The following MAGEC1 variants were observed in gnomAD, a reference collection of about 807,000 sequenced individuals.
MAGEC1 encodes melanoma-associated antigen C1.
A neutral mutation model predicts 1.5 loss-of-function variants in MAGEC1; 3 were observed. The ratio of observed to expected loss-of-function variants is 1.97; its 90% CI spans 0.90 to 5.10. The LOEUF is 5.10. Ranked by LOEUF, MAGEC1 falls within the 30% of genes most tolerant of loss-of-function variation. The pLI, the probability that MAGEC1 is intolerant of heterozygous loss-of-function variation, is 0.02. For missense variants in MAGEC1, 985 were observed against 803.1 expected (o/e 1.23, Z -2.74); for synonymous variants, 357 against 310.4 (o/e 1.15, Z -1.58).
chrX:141,908,417 AG>A lies in MAGEC1; in HGVS notation c.3014del (p.Ser1005IlefsTer5). 8.3e-7 allele frequency: 1 copy of A among 1,210,860 alleles called. No homozygotes were observed. The highest frequency in any genetic ancestry group is 1.7e-5 in the African/African-American group (1 of 57,596). ...SQNRLLILIL[S>X]IIFIKGTYAS... ...GAACCGCCTCCTGATTCTTATTCTG[AG>A]TATCATCTTCATAAAGGGCACCTAT... On this transcript the variant is annotated frameshift_variant, in exon 4 of 4. Coordinates refer to ENST00000285879, the MANE Select transcript of MAGEC1 (RefSeq NM_005462.5). LOFTEE classifies it low-confidence loss of function (END_TRUNC).
At position 141,906,593 on chromosome X, in the gene MAGEC1, C is replaced by G. The variant is rs769507677; in HGVS notation, c.1189C>G (p.His397Asp). 1.7e-6 allele frequency: 2 copies of G among 1,194,819 alleles called. No homozygotes were observed. Among genetic ancestry groups the G allele is most frequent in the African/African-American group, 3.6e-5 (2 of 55,421 alleles). ...TTTCCAGAGTTCCCCTGAGAGAACT[C>G]ACAGTACTTTTGAGGGTTTTCCCCA... ...SLFQSSPERT[H>D]STFEGFPQSP... Residue 397 changes from histidine (H) to aspartate (D), a missense_variant, in exon 4 of 4, where the codon CAC (histidine) becomes GAC (aspartate). By Grantham distance (81) the His-to-Asp change is moderately conservative. Coordinates refer to ENST00000285879, the MANE Select transcript of MAGEC1 (RefSeq NM_005462.5).
At chrX:141,905,274 C>A in intron 3 of MAGEC1, 135 bp from the exon 4 acceptor site, 1 of 830,193 alleles carries the variant, frequency 1.2e-6, no homozygotes, top group Non-Finnish European at 1.8e-6. Flanking sequence ...TTGGTAGATG[C>A]AGAGGATCCC....
chrX:141,904,891 G>A (rs1053080674), intron 2 of MAGEC1, 77 bp downstream of exon 2: 8 of 644,538 alleles, frequency 1.2e-5, no homozygotes, highest in Non-Finnish European at 2.0e-5. Flanking sequence ...CCGGCCTGTA[G>A]CCACCCACTG....
rs1162319233 is a variant in MAGEC1 at position 141,905,712 on chromosome X, CTGAGGGGAA to C, written c.309_317del (p.Glu104_Lys106del). The C allele has an allele frequency of 1.2e-5, 14 of 1,210,362 alleles. No individual in the cohort carries two copies. The highest frequency in any genetic ancestry group is 1.6e-5 in the Non-Finnish European group (14 of 895,083). ...CCTCTCCAGAATTCTCAGAGTTCTC[CTGAGGGGAA>C]GGACTCCCTGTCTCCTCTAGAGATT... On this transcript the variant is annotated inframe_deletion, in exon 4 of 4. Coordinates refer to ENST00000285879, the MANE Select transcript of MAGEC1 (RefSeq NM_005462.5).
rs759755104 is a variant in MAGEC1 at position 141,906,907 on chromosome X, T to C, written c.1503T>C (p.Cys501=). ...GTCTTTTCCAGAGTTCCCCTGAGTG[T>C]ACTCAAAGTACTTTTGAGGGTTTTC... is the stretch of plus-strand genomic sequence containing the variant. ...LLSLFQSSPE[C]TQSTFEGFPQ... The change falls in exon 4 of 4, where the codon TGT becomes TGC. Residue 501 remains cysteine, a synonymous_variant. Coordinates refer to ENST00000285879, the MANE Select transcript of MAGEC1 (RefSeq NM_005462.5). The C allele has an allele frequency of 5.8e-6, 7 of 1,209,183 alleles. No individual in the cohort carries two copies. Among genetic ancestry groups the C allele is most frequent in the Non-Finnish European group, 7.8e-6 (7 of 894,449 alleles).
rs755975429 is a variant in MAGEC1, at chrX:141,908,104, C to T, written c.2700C>T (p.Ser900=). The change falls in exon 4 of 4, where the codon AGC becomes AGT. Residue 900 remains serine (S), a synonymous_variant. Coordinates refer to ENST00000285879, the MANE Select transcript of MAGEC1 (RefSeq NM_005462.5). The part of the protein sequence containing the change: ...SLTDSESLIE[S]EPLFTYTLDE... Reference sequence around the variant, plus strand: ...CAGACAGCGAGTCCTTGATAGAGAGCGAGCCCTTGTTCACTTATACACTGG... The same window carrying T: ...CAGACAGCGAGTCCTTGATAGAGAGTGAGCCCTTGTTCACTTATACACTGG... The T allele has an allele frequency of 1.1e-5, 13 of 1,211,805 alleles. No individual in the cohort carries two copies. In the Middle Eastern group the frequency reaches 6.9e-4, roughly 64 times the overall value.
rs151203073 is a variant in MAGEC1 at position 141,906,015 on chromosome X, G to A, written c.611G>A (p.Arg204His). Residue 204 changes from arginine to histidine, a missense_variant, in exon 4 of 4, where the codon CGC becomes CAC. Physicochemically the swap from Arg to His is conservative, Grantham distance 29. Transcript: ENST00000285879. Reference protein sequence around the residue: ...PQSPLQIPVSRSFSSTLLSIF... With the variant: ...PQSPLQIPVSHSFSSTLLSIF... ...TCTCCACTCCAGATTCCTGTGAGCC[G>A]CTCCTTCTCCTCCACTTTATTGAGT... is the stretch of plus-strand genomic sequence containing the variant. 1.7e-6 allele frequency: 2 copies of A among 1,193,486 alleles called. No homozygotes were observed. The highest frequency in any genetic ancestry group is 2.3e-6 in the Non-Finnish European group (2 of 888,745).
In MAGEC1 at chrX:141,905,661, C is replaced by T. The variant is rs760563158; in HGVS notation, c.257C>T (p.Ser86Phe). 4 of 1,211,276 alleles carry T rather than the reference C, an allele frequency of 3.3e-6. No homozygotes were observed. Among genetic ancestry groups the T allele is most frequent in the Non-Finnish European group, 4.5e-6 (4 of 895,107 alleles). ...SQSPLQIPQS[S>F]PEGDDTQSPL... Reference sequence around the variant, plus strand: ...TCTCCTCTCCAGATTCCCCAGAGTTCTCCTGAGGGCGACGACACCCAGTCT... The same window carrying T: ...TCTCCTCTCCAGATTCCCCAGAGTTTTCCTGAGGGCGACGACACCCAGTCT... The change falls in exon 4 of 4, where the codon TCT becomes TTT. Residue 86 changes from serine (S) to phenylalanine (F), a missense_variant. Ser to Phe is a radical substitution (Grantham distance 155, BLOSUM62 -2). Coordinates refer to ENST00000285879, the MANE Select transcript of MAGEC1 (RefSeq NM_005462.5).
chrX:141,907,860 C>T lies in MAGEC1; in HGVS notation c.2456C>T (p.Ser819Phe). The T allele has an allele frequency of 8.3e-7, 1 of 1,211,838 alleles. No individual in the cohort carries two copies. Among genetic ancestry groups the T allele is most frequent in the Non-Finnish European group, 1.1e-6 (1 of 895,519 alleles). Residue 819 changes from serine (S) to phenylalanine (F), a missense_variant, in exon 4 of 4, where the codon TCC becomes TTC. Ser to Phe is a radical substitution (Grantham distance 155). Coordinates refer to ENST00000285879, the MANE Select transcript of MAGEC1 (RefSeq NM_005462.5). Reference protein sequence around the residue: ...PLQSPVSSFPSSTSSSLSQSS... With the variant: ...PLQSPVSSFPFSTSSSLSQSS... ...CAGAGTCCTGTGAGCTCCTTCCCCTCCTCCACTTCATCGAGTCTTTCCCAG... is the reference window on the plus strand; with the variant it reads ...CAGAGTCCTGTGAGCTCCTTCCCCTTCTCCACTTCATCGAGTCTTTCCCAG...
intron 2 of MAGEC1, 60 bp downstream of exon 2, chrX:141,904,874 G>A: frequency 1.9e-6 from 1 of 538,437 alleles, no homozygotes; most frequent in Non-Finnish European, 3.1e-6. Flanking sequence ...GGCAGACCTG[G>A]CAGCACCCGG....
At position 141,907,320 on chromosome X, in the gene MAGEC1, G is replaced by T; in HGVS notation, c.1916G>T (p.Ser639Ile). The change falls in exon 4 of 4, where the codon AGT becomes ATT. Residue 639 changes from serine (S) to isoleucine (I), a missense_variant. By Grantham distance (142) the Ser-to-Ile change is moderately radical (BLOSUM62 -2). Transcript: ENST00000285879. ...VSICSSSTPS[S>I]LPQSFPESSQ... ...ATCTGCTCCTCCTCCACTCCATCCA[G>T]TCTTCCCCAGAGTTTCCCTGAGAGT... 8.3e-7 allele frequency: 1 copy of T among 1,207,068 alleles called. No homozygotes were observed. Among genetic ancestry groups the T allele is most frequent in the African/African-American group, 1.8e-5 (1 of 56,120 alleles).
chrX:141,905,772 A>G lies in MAGEC1; in HGVS notation c.368A>G (p.Asp123Gly), dbSNP rs201781315. The part of the protein sequence containing the change: ...EISQSPPEGE[D>G]VQSPLQNPAS... ...TCTCAGAGCCCTCCTGAGGGTGAGG[A>G]TGTCCAGTCTCCTCTGCAGAATCCT... The change falls in exon 4 of 4, where the codon GAT becomes GGT. Residue 123 changes from aspartate to glycine, a missense_variant. Asp to Gly is a moderately conservative substitution (Grantham distance 94). Transcript: ENST00000285879. 5 of 1,210,804 alleles carry G rather than the reference A, an allele frequency of 4.1e-6. No homozygotes were observed. The African/African-American group carries it at 8.7e-5, about 21-fold the overall frequency.
Position 141,908,281 on chromosome X carries a change from A to G in MAGEC1, c.2877A>G (p.Ile959Met), listed in dbSNP as rs746405900. 6 of 1,209,559 alleles carry G rather than the reference A, an allele frequency of 5.0e-6. No homozygotes were observed. Among genetic ancestry groups the G allele is most frequent in the Non-Finnish European group, 6.7e-6 (6 of 895,111 alleles). ...IFRKAREFIE[I>M]LFGISLREVD... ...GGAAAGCCCGTGAGTTCATAGAGAT[A>G]CTTTTTGGCATTTCCCTGAGAGAAG... is the stretch of plus-strand genomic sequence containing the variant. Residue 959 changes from isoleucine (I) to methionine (M), a missense_variant, in exon 4 of 4, where the codon ATA (isoleucine) becomes ATG (methionine). By Grantham distance (10) the Ile-to-Met change is conservative (BLOSUM62 1). Coordinates refer to ENST00000285879, the MANE Select transcript of MAGEC1 (RefSeq NM_005462.5).
chrX:141,907,419 C>T lies in MAGEC1; in HGVS notation c.2015C>T (p.Ser672Phe), dbSNP rs1926974911. ...CAGAGCCCTCCTGAGGGGATGCACT[C>T]CCAATCTCCTCTCCAGAGTCCTGAG... ...SPQSPPEGMH[S>F]QSPLQSPESA... is the part of the protein sequence containing the mutation. Residue 672 changes from serine (S) to phenylalanine (F), a missense_variant, in exon 4 of 4, where the codon TCC becomes TTC. Transcript: ENST00000285879. 3 of 1,203,588 alleles carry T rather than the reference C, an allele frequency of 2.5e-6. No homozygotes were observed. The highest frequency in any genetic ancestry group is 2.3e-4 in the Middle Eastern group (1 of 4,287).
In MAGEC1 at chrX:141,908,025, C is replaced by A. The variant is rs776978351; in HGVS notation, c.2621C>A (p.Pro874Gln). ...LSPFSEESSS[P>Q]VDEYTSSSDT... ...CCATTCAGTGAAGAGTCCAGCAGCC[C>A]AGTAGATGAATATACAAGTTCCTCA... The change falls in exon 4 of 4, where the codon CCA becomes CAA. Residue 874 changes from proline (P) to glutamine (Q), a missense_variant. By Grantham distance (76) the Pro-to-Gln change is moderately conservative. Transcript: ENST00000285879. 22 of 1,210,281 alleles carry A rather than the reference C, an allele frequency of 1.8e-5. No homozygotes were observed. The highest frequency in any genetic ancestry group is 2.2e-5 in the Non-Finnish European group (20 of 895,227).
At position 141,907,723 on chromosome X, in the gene MAGEC1, T is replaced by A; in HGVS notation, c.2319T>A (p.Ser773=). The part of the protein sequence containing the change: ...PQSPPEGPAQ[S]PLQRPVSSFF... ...GTCCTCCTGAGGGGCCTGCTCAGTC[T>A]CCTCTCCAGAGACCTGTCAGCTCCT... Residue 773 remains serine, a synonymous_variant, in exon 4 of 4, where the codon TCT becomes TCA. Coordinates refer to ENST00000285879, the MANE Select transcript of MAGEC1 (RefSeq NM_005462.5). 1 of 1,210,084 alleles carries A rather than the reference T, an allele frequency of 8.3e-7. No homozygotes were observed. Among genetic ancestry groups the A allele is most frequent in the Non-Finnish European group, 1.1e-6 (1 of 895,105 alleles).
At position 141,907,542 on chromosome X, in the gene MAGEC1, G is replaced by T. The variant is rs746382400; in HGVS notation, c.2138G>T (p.Ser713Ile). The part of the protein sequence containing the change: ...DSLSSLHFPQ[S>I]PPEWEDSLSP... ...CTGTCTTCTCTCCATTTTCCTCAGA[G>T]TCCTCCTGAGTGGGAGGACTCCCTC... Residue 713 changes from serine to isoleucine, a missense_variant, in exon 4 of 4, where the codon AGT (serine) becomes ATT (isoleucine). Transcript: ENST00000285879. The T allele has an allele frequency of 2.6e-5, 31 of 1,196,719 alleles. No homozygotes were observed. The highest frequency in any genetic ancestry group is 3.3e-5 in the Non-Finnish European group (29 of 887,674).
At chrX:141,904,606 T>C (rs1180508814) in intron 1 of MAGEC1, 111 bp from the exon 2 acceptor site, 1 of 134,495 alleles carries the variant, frequency 7.4e-6, no homozygotes, top group Non-Finnish European at 1.5e-5. Flanking sequence ...AATGTGACAA[T>C]GCTAATTGAA....
In MAGEC1 at chrX:141,906,564, G is replaced by A; in HGVS notation, c.1160G>A (p.Ser387Asn). The A allele has an allele frequency of 5.0e-6, 6 of 1,198,695 alleles. No homozygotes were observed. Among genetic ancestry groups the A allele is most frequent in the Non-Finnish European group, 6.7e-6 (6 of 889,290 alleles). Reference protein sequence around the residue: ...GSPSFSSTLLSLFQSSPERTH... With the variant: ...GSPSFSSTLLNLFQSSPERTH... ...CCCTCCTTCTCCTCCACTTTACTGA[G>A]TCTTTTCCAGAGTTCCCCTGAGAGA... The change falls in exon 4 of 4, where the codon AGT becomes AAT. Residue 387 changes from serine to asparagine, a missense_variant. Ser to Asn is a conservative substitution (Grantham distance 46). Transcript: ENST00000285879.
Sources: gnomAD v4.1 joint callset for allele counts on GRCh38, gnomAD v4.1.1 for gene constraint, MANE v1.5 for transcripts, NCBI Gene and HGNC (gene_info 2026-07-23, HGNC 2026-07-21) for gene names.